OSTN: variants seen among roughly 807,000 people sequenced by gnomAD.
OSTN encodes osteocrin.
OSTN carries 9 observed loss-of-function variants against 12.0 expected under a neutral mutation model. That is an observed-to-expected ratio of 0.75 (90% confidence interval 0.45 to 1.30). The LOEUF is 1.30. Ranked by LOEUF, OSTN falls within the 50% of genes most tolerant of loss-of-function variation. The pLI, the probability that OSTN is intolerant of heterozygous loss-of-function variation, is 0.00. For missense variants in OSTN, 148 were observed against 152.3 expected, an observed-to-expected ratio of 0.97 and a Z score of 0.15; for synonymous variants, 59 against 56.9, an observed-to-expected ratio of 1.04 and a Z score of -0.16.
chr3:191,216,685 C>A (rs1714620578), intron 2 of OSTN, among the ~76,000 whole-genome samples: 1 of 152,200 alleles, frequency 6.6e-6, no homozygotes, highest in Non-Finnish European at 1.5e-5. Flanking sequence ...AGGGCCAGGG[C>A]AAAATGCTGC....
intron 4 of OSTN, among the ~76,000 whole-genome samples, chr3:191,262,479 TAAAC>T: frequency 6.6e-6 from 1 of 152,352 alleles, no homozygotes; most frequent in Admixed American, 6.5e-5. Context: ...TGTGTTATAA[TAAAC>T]AGAAAGTAGT....
At chr3:191,239,422 A>T (rs969736145) in intron 3 of OSTN, among the ~76,000 whole-genome samples, 56 of 152,228 alleles carry the variant, frequency 3.7e-4, no homozygotes, top group Admixed American at 2.1e-3. Flanking sequence ...CTGCCTCTAG[A>T]CCCTATTTTC....
At chr3:191,210,060 G>C (rs1391006905) in intron 1 of OSTN, among the ~76,000 whole-genome samples, 1 of 152,218 alleles carries the variant, frequency 6.6e-6, no homozygotes, top group African/African-American at 2.4e-5. Context: ...AGGCCGTACA[G>C]GAAGCACGGC....
intron 3 of OSTN, among the ~76,000 whole-genome samples, chr3:191,241,701 C>G (rs1426851688): frequency 6.6e-6 from 1 of 152,098 alleles, no homozygotes; most frequent in Non-Finnish European, 1.5e-5. Flanking sequence ...CTATTAAGAA[C>G]AATCAAACAA....
intron 3 of OSTN, among the ~76,000 whole-genome samples, chr3:191,235,086 A>G (rs1416228295): frequency 6.6e-6 from 1 of 152,182 alleles, no homozygotes; most frequent in African/African-American, 2.4e-5. Flanking sequence ...CATAAGTCAT[A>G]ATCAGAAAAA....
At chr3:191,214,075 G>A (rs1158554194) in intron 2 of OSTN, among the ~76,000 whole-genome samples, 1 of 152,100 alleles carries the variant, frequency 6.6e-6, no homozygotes, top group Non-Finnish European at 1.5e-5. Flanking sequence ...CTTTTTATAT[G>A]ACAAAAGTGG....
At chr3:191,252,547 T>C (rs1263972644) in intron 4 of OSTN, among the ~76,000 whole-genome samples, 2 of 152,226 alleles carry the variant, frequency 1.3e-5, no homozygotes, top group Non-Finnish European at 2.9e-5. Flanking sequence ...TATTAAAATC[T>C]CAAGGTGAGA....
intron 3 of OSTN, among the ~76,000 whole-genome samples, chr3:191,223,325 A>C (rs1162287871): frequency 6.6e-5 from 10 of 152,236 alleles, no homozygotes; most frequent in African/African-American, 9.6e-5. Context: ...TATCCTGAGG[A>C]AGCTAATACA....
intron 3 of OSTN, among the ~76,000 whole-genome samples, chr3:191,249,433 CT>C (rs1715509611): frequency 6.6e-6 from 1 of 152,142 alleles, no homozygotes; most frequent in African/African-American, 2.4e-5. Context: ...ACTTTTTATA[CT>C]TCATTTTAAT....
intron 3 of OSTN, among the ~76,000 whole-genome samples, chr3:191,249,251 C>T (rs1266577784): frequency 2.0e-5 from 3 of 152,196 alleles, no homozygotes; most frequent in Non-Finnish European, 2.9e-5. Flanking sequence ...GAAAGTTATA[C>T]GATCAAAGCT....
At chr3:191,241,037 C>T (rs1715305192) in intron 3 of OSTN, among the ~76,000 whole-genome samples, 2 of 152,092 alleles carry the variant, frequency 1.3e-5, no homozygotes, top group South Asian at 2.1e-4. Context: ...AAGGTTTATA[C>T]TATAATAATT....
At chr3:191,258,636 T>A (rs12488159) in intron 4 of OSTN, among the ~76,000 whole-genome samples, 39,064 of 150,196 alleles carry the variant, frequency 0.26, 5,435 homozygotes, top group South Asian at 0.46. Flanking sequence ...TCTGCACATG[T>A]ATTCCAGGAC....
chr3:191,219,026 A>C (rs533510465), intron 3 of OSTN, 65 bp downstream of exon 3: 1 of 1,381,508 alleles, frequency 7.2e-7, no homozygotes, highest in Admixed American at 2.1e-5. Context: ...TCTAAATCTG[A>C]GAGAATTCCA....
intron 3 of OSTN, among the ~76,000 whole-genome samples, chr3:191,245,852 G>T (rs536666514): frequency 6.6e-6 from 1 of 152,032 alleles, no homozygotes; most frequent in South Asian, 2.1e-4. Context: ...GATCGCCTGA[G>T]GTCAGGAGTT....
intron 4 of OSTN, among the ~76,000 whole-genome samples, chr3:191,257,367 T>G (rs1471524965): frequency 1.3e-5 from 2 of 152,046 alleles, no homozygotes; most frequent in Non-Finnish European, 2.9e-5. Flanking sequence ...TTTATTTTAG[T>G]AAAAAATCTA....
In OSTN at chr3:191,240,465, C is replaced by A. The variant is rs770748602; in HGVS notation, c.318-9572C>A. 4.6e-5 allele frequency among the ~76,000 whole-genome samples: 7 copies of A among 152,192 alleles called. 1 individual carries two copies. The highest frequency in any genetic ancestry group is 7.3e-5 in the Non-Finnish European group (5 of 68,038). ...AGAACCCCCAAATTGGGTGTGGTCTCTTCTCTCACGGAATCTCAGAGCACT... is the reference window on the plus strand; with the variant it reads ...AGAACCCCCAAATTGGGTGTGGTCTATTCTCTCACGGAATCTCAGAGCACT... On this transcript the variant is annotated intron_variant, in intron 3 of 4. Transcript: ENST00000682035.
At chr3:191,235,011 T>C (rs991619291) in intron 3 of OSTN, among the ~76,000 whole-genome samples, 1 of 152,158 alleles carries the variant, frequency 6.6e-6, no homozygotes, top group Non-Finnish European at 1.5e-5. Flanking sequence ...TCTGTAGATT[T>C]AGGTCAAGAA....
At position 191,212,517 on chromosome 3, in the gene OSTN, C is replaced by T. The variant is rs770406585; in HGVS notation, c.1-16C>T. ...CCAAACGAATCAATGCTAACTATGA[C>T]ATATGTAACCCTTAGATGCTGGACT... On this transcript the variant is annotated splice_polypyrimidine_tract_variant and intron_variant, in intron 1 of 4. Transcript: ENST00000682035. 1 of 1,511,856 alleles carries T rather than the reference C, an allele frequency of 6.6e-7. No homozygotes were observed. The allele number at this position is 1,511,856 out of a possible 1,614,324, so 93.7% of individuals were successfully genotyped here. A position where few individuals can be genotyped will look rare whatever the true frequency, so the allele number is the denominator to read the frequency against.
At chr3:191,217,864 G>T (rs959867035) in intron 2 of OSTN, among the ~76,000 whole-genome samples, 14 of 151,928 alleles carry the variant, frequency 9.2e-5, no homozygotes, top group African/African-American at 2.7e-4. Flanking sequence ...GCACACACTG[G>T]ATTAGTAATG....
Sources: gnomAD v4.1 joint callset for allele counts (sites outside exome capture counted in the v4.1 genomes callset) on GRCh38, gnomAD v4.1.1 for gene constraint, MANE v1.5 for transcripts, NCBI Gene and HGNC (gene_info 2026-07-23, HGNC 2026-07-21) for gene names.